CLEC16A: variants seen among roughly 807,000 people sequenced by gnomAD.
CLEC16A encodes protein CLEC16A.
In CLEC16A, 51 loss-of-function variants were observed where a neutral mutation model predicts 109.5. The ratio of observed to expected loss-of-function variants is 0.47; its 90% CI spans 0.37 to 0.59. The LOEUF is 0.59. CLEC16A is among the 20% of genes least tolerant of loss of function. CLEC16A has a pLI of 0.00. For synonymous variants in CLEC16A, 673 were observed against 564.2 expected (o/e 1.19, Z -2.73); for missense variants, 1,339 against 1,394.0 (o/e 0.96, Z 0.63).
chr16:11,049,335 G>T (rs1357543472), intron 17 of CLEC16A, among the ~76,000 whole-genome samples: 1 of 151,974 alleles, frequency 6.6e-6, no homozygotes, highest in Admixed American at 6.6e-5. Flanking sequence ...TAAGGTGGGG[G>T]ATCCCTACCT....
intron 19 of CLEC16A, among the ~76,000 whole-genome samples, chr16:11,075,410 G>A (rs571900137): frequency 1.0e-4 from 10 of 99,596 alleles, no homozygotes; most frequent in Admixed American, 1.9e-4. Context: ...GTGTGTGTGT[G>A]TCTGTGTGTG....
chr16:11,093,427 A>C (rs1264476236), intron 19 of CLEC16A, among the ~76,000 whole-genome samples: 2 of 152,186 alleles, frequency 1.3e-5, no homozygotes, highest in African/African-American at 4.8e-5. Flanking sequence ...TGTGGCACTC[A>C]GGCAAAGGAA....
At chr16:10,957,164 A>G (rs1352878398) in intron 1 of CLEC16A, among the ~76,000 whole-genome samples, 2 of 152,188 alleles carry the variant, frequency 1.3e-5, no homozygotes, top group Admixed American at 1.3e-4. Context: ...TTGGGCTGCA[A>G]ACCACCCAGA....
chr16:11,124,995 G>T (rs377735822), intron 21 of CLEC16A, among the ~76,000 whole-genome samples: 1 of 152,098 alleles, frequency 6.6e-6, no homozygotes, highest in Non-Finnish European at 1.5e-5. Flanking sequence ...AGGCTGAGGC[G>T]GGAGGATCAC....
chr16:11,145,775 C>T (rs575345789), intron 22 of CLEC16A, among the ~76,000 whole-genome samples: 1 of 152,376 alleles, frequency 6.6e-6, no homozygotes, highest in African/African-American at 2.4e-5. Context: ...TGTTGCTCTC[C>T]TTGCCCTCTA....
At chr16:11,155,529 A>G (rs1410643243) in intron 22 of CLEC16A, among the ~76,000 whole-genome samples, 1 of 152,228 alleles carries the variant, frequency 6.6e-6, no homozygotes, top group East Asian at 1.9e-4. Flanking sequence ...ACGTCAACAG[A>G]GCCCTGTCCA....
In CLEC16A at chr16:11,141,921, G is replaced by A. The variant is rs989388939; in HGVS notation, c.2641+15775G>A. Among the ~76,000 whole-genome samples, 11 of 152,158 alleles carry A rather than the reference G, an allele frequency of 7.2e-5. No homozygotes were observed. The East Asian group carries it at 1.2e-3, about 16-fold the overall frequency. ...AGGCTTGAGAGGTGAGCTGACCAGC[G>A]CAGGTCACACAACAGGAAGCAGTAG... On this transcript the variant is annotated intron_variant, in intron 22 of 23. Transcript: ENST00000409790.
chr16:11,069,736 C>A (rs560948216), intron 19 of CLEC16A, among the ~76,000 whole-genome samples: 1 of 152,178 alleles, frequency 6.6e-6, no homozygotes, highest in African/African-American at 2.4e-5. Flanking sequence ...GCCACCATAC[C>A]CAGACTGAAA....
chr16:11,147,590 C>G (rs965361109), intron 22 of CLEC16A, among the ~76,000 whole-genome samples: 2 of 152,158 alleles, frequency 1.3e-5, no homozygotes, highest in South Asian at 4.1e-4. Flanking sequence ...TGAAAATGTT[C>G]TAAATTGATT....
At chr16:11,100,954 G>C (rs190282949) in intron 19 of CLEC16A, among the ~76,000 whole-genome samples, 3 of 152,286 alleles carry the variant, frequency 2.0e-5, no homozygotes, top group African/African-American at 4.8e-5. Flanking sequence ...TGTCTGTTGA[G>C]ACTGTGGCTG....
intron 11 of CLEC16A, among the ~76,000 whole-genome samples, chr16:11,005,075 G>A (rs764761312): frequency 1.3e-4 from 20 of 152,176 alleles, no homozygotes; most frequent in African/African-American, 4.3e-4. Context: ...TGTTCTCATC[G>A]ATTTTGTTTT....
intron 11 of CLEC16A, among the ~76,000 whole-genome samples, chr16:11,012,847 T>C (rs1287448269): frequency 6.6e-6 from 1 of 152,226 alleles, no homozygotes; most frequent in Non-Finnish European, 1.5e-5. Flanking sequence ...GCATTTGTAT[T>C]ATCGTCTACT....
At chr16:11,005,440 C>A (rs974523353) in intron 11 of CLEC16A, among the ~76,000 whole-genome samples, 1 of 152,228 alleles carries the variant, frequency 6.6e-6, no homozygotes, top group Non-Finnish European at 1.5e-5. Context: ...TTTGCTTGAA[C>A]AGTTGGTGCT....
chr16:11,146,257 A>G (rs927276666), intron 22 of CLEC16A, among the ~76,000 whole-genome samples: 2 of 151,074 alleles, frequency 1.3e-5, no homozygotes, highest in Non-Finnish European at 3.0e-5. Flanking sequence ...GACATTTTCT[A>G]CTCCTTGACT....
intron 23 of CLEC16A, among the ~76,000 whole-genome samples, chr16:11,175,350 C>G (rs76128910): frequency 6.6e-6 from 1 of 152,182 alleles, no homozygotes; most frequent in Non-Finnish European, 1.5e-5. Context: ...CTCCCCAGCC[C>G]GTGGCCAGGA....
chr16:11,114,184 G>T (rs1280748565), intron 19 of CLEC16A, among the ~76,000 whole-genome samples: 1 of 124,400 alleles, frequency 8.0e-6, no homozygotes, highest in East Asian at 2.5e-4. Context: ...TGTGTTTATT[G>T]GCAATCCCCA....
In CLEC16A at chr16:11,179,075, C is replaced by T. The variant is rs201046386; in HGVS notation, c.*385C>T. ...TGTGCACAGAAGAATTGGACCAGGT[C>T]ACTGTACGTAGAAATTTGTAGAAAA... On this transcript the variant is annotated 3_prime_UTR_variant, in exon 24 of 24. Coordinates refer to ENST00000409790, the MANE Select transcript of CLEC16A (RefSeq NM_015226.3). 4.7e-6 allele frequency: 1 copy of T among 210,824 alleles called. No homozygotes were observed. The highest frequency in any genetic ancestry group is 9.3e-6 in the Non-Finnish European group (1 of 106,954). 13.1% of individuals were successfully genotyped at this position (210,824 alleles called of 1,614,324 possible). A position where few individuals can be genotyped will look rare whatever the true frequency, so the allele number is the denominator to read the frequency against.
At chr16:10,958,230 A>C (rs2042082979) in intron 2 of CLEC16A, among the ~76,000 whole-genome samples, 1 of 152,220 alleles carries the variant, frequency 6.6e-6, no homozygotes, top group Non-Finnish European at 1.5e-5. Context: ...TGACATGAAC[A>C]GAAGGCCTGT....
At chr16:11,152,146 A>C (rs779124217) in intron 22 of CLEC16A, among the ~76,000 whole-genome samples, 13 of 152,220 alleles carry the variant, frequency 8.5e-5, no homozygotes, top group Admixed American at 2.0e-4. Flanking sequence ...GGAAGGATAA[A>C]TTTAGCCTGC....
Sources: gnomAD v4.1 joint callset for allele counts (sites outside exome capture counted in the v4.1 genomes callset) on GRCh38, gnomAD v4.1.1 for gene constraint, MANE v1.5 for transcripts, NCBI Gene and HGNC (gene_info 2026-07-23, HGNC 2026-07-21) for gene names.